Variants in FRYL observed in about 807,000 individuals in gnomAD.
The protein encoded by FRYL is FRY like transcription coactivator.
Under a neutral mutation model 351.2 loss-of-function variants are expected in FRYL, and 150 were observed. That is an observed-to-expected ratio of 0.43 (90% confidence interval 0.37 to 0.49). The LOEUF is 0.49. FRYL is among the 20% of genes least tolerant of loss of function. The pLI is 0.00. For missense variants in FRYL, 3,036 were observed against 3,619.3 expected, an observed-to-expected ratio of 0.84 and a Z score of 4.13; for synonymous variants, 1,153 against 1,257.1, an observed-to-expected ratio of 0.92 and a Z score of 1.75.
intron 7 of FRYL, among the ~76,000 whole-genome samples, chr4:48,614,100 A>G (rs534842250): frequency 2.1e-4 from 32 of 152,302 alleles, no homozygotes; most frequent in South Asian, 1.2e-3. Context: ...TTAAAAATAC[A>G]TAAGTTCTGG....
intron 53 of FRYL, among the ~76,000 whole-genome samples, chr4:48,525,991 G>T (rs1037059370): frequency 6.9e-6 from 1 of 145,402 alleles, no homozygotes; most frequent in African/African-American, 2.6e-5. Flanking sequence ...TTGTATATGT[G>T]TATGTATATG....
At chr4:48,575,569 T>C (rs1739423258) in intron 24 of FRYL, among the ~76,000 whole-genome samples, 1 of 152,216 alleles carries the variant, frequency 6.6e-6, no homozygotes, top group Non-Finnish European at 1.5e-5. Flanking sequence ...AAAATAGTCA[T>C]CAGTGCTAAA....
intron 1 of FRYL, among the ~76,000 whole-genome samples, chr4:48,716,970 T>C (rs1768913736): frequency 1.3e-5 from 2 of 150,902 alleles, no homozygotes; most frequent in South Asian, 4.2e-4. Flanking sequence ...ATGTCCTTTG[T>C]AGGGACATGG....
At position 48,543,891 on chromosome 4, in the gene FRYL, T is replaced by C; in HGVS notation, c.5508A>G (p.Leu1836=). ...AGRSFQIFRA[L]KQPLTATTLS... The stretch of plus-strand genomic sequence containing the variant: ...GTGTAGTTGCAGTGAGAGGCTGCTT[T>C]AGGGCCCTGAAAATCTGAAAGGATC... The change falls in exon 44 of 64, where the codon CTA becomes CTG. Residue 1836 remains leucine, a synonymous_variant. Coordinates refer to ENST00000358350, the MANE Select transcript of FRYL (RefSeq NM_015030.2). 2.5e-6 allele frequency: 4 copies of C among 1,613,942 alleles called. No homozygotes were observed. Among genetic ancestry groups the C allele is most frequent in the Non-Finnish European group, 3.4e-6 (4 of 1,179,854 alleles).
intron 40 of FRYL, among the ~76,000 whole-genome samples, 180 bp from the exon 41 acceptor site, chr4:48,547,949 T>C (rs541700682): frequency 1.3e-5 from 2 of 152,306 alleles, no homozygotes; most frequent in South Asian, 4.1e-4. Context: ...TACTGTCTTA[T>C]AGTACTAGGG....
chr4:48,581,694 G>A (rs1353699045), intron 20 of FRYL, 89 bp from the exon 21 acceptor site: 1 of 1,099,208 alleles, frequency 9.1e-7, no homozygotes, highest in Non-Finnish European at 1.3e-6. Context: ...GCAAATCATA[G>A]TGATTATGAC....
chr4:48,606,330 C>T, intron 10 of FRYL, 108 bp downstream of exon 10: 2 of 661,524 alleles, frequency 3.0e-6, no homozygotes, highest in Non-Finnish European at 2.4e-6. Context: ...GAATAAGAGA[C>T]TAAAAATGAT....
At chr4:48,711,826 G>A (rs1768087028) in intron 1 of FRYL, among the ~76,000 whole-genome samples, 1 of 152,190 alleles carries the variant, frequency 6.6e-6, no homozygotes, top group Non-Finnish European at 1.5e-5. Context: ...CCCAGTAGGG[G>A]CAGACTGACA....
In FRYL at chr4:48,580,969, T is replaced by TG; in HGVS notation, c.2173-19_2173-18insC. On this transcript the variant is annotated intron_variant, in intron 21 of 63. Coordinates refer to ENST00000358350, the MANE Select transcript of FRYL (RefSeq NM_015030.2). ...TCATCACCCTGTAAAAAAGACATCA[T>TG]ATGTCTAAAAAAATTAGGAATGTTT... 3 of 1,517,886 alleles carry TG rather than the reference T, an allele frequency of 2.0e-6. No homozygotes were observed. Among genetic ancestry groups the TG allele is most frequent in the Non-Finnish European group, 2.7e-6 (3 of 1,120,646 alleles). The allele number at this position is 1,517,886 out of a possible 1,614,324, so 94.0% of individuals were successfully genotyped here.
intron 3 of FRYL, among the ~76,000 whole-genome samples, chr4:48,665,423 ATATT>A: frequency 6.6e-6 from 1 of 152,220 alleles, no homozygotes; most frequent in Non-Finnish European, 1.5e-5. Flanking sequence ...AGAGATAGAA[ATATT>A]TAATTACTTG....
chr4:48,550,469 C>A, intron 38 of FRYL, 123 bp downstream of exon 38: 1 of 646,258 alleles, frequency 1.5e-6, no homozygotes, highest in Non-Finnish European at 2.7e-6. Context: ...TGGAACACCA[C>A]TAGTGGCAGT....
chr4:48,742,981 T>A (rs797019128), intron 1 of FRYL, among the ~76,000 whole-genome samples: 20,213 of 133,458 alleles, frequency 0.15, 1,942 homozygotes, highest in Middle Eastern at 0.24. Flanking sequence ...TAATTTTTTT[T>A]TTTTTTTTTT....
chr4:48,670,048 T>A (rs1762398419), intron 3 of FRYL, among the ~76,000 whole-genome samples: 1 of 152,170 alleles, frequency 6.6e-6, no homozygotes, highest in African/African-American at 2.4e-5. Flanking sequence ...AATCACAGGG[T>A]AAATGGAGTA....
chr4:48,740,289 A>ATTTTTTTTT (rs71191255), intron 1 of FRYL, among the ~76,000 whole-genome samples: 1 of 97,884 alleles, frequency 1.0e-5, no homozygotes, highest in African/African-American at 4.2e-5. Context: ...AAACAATCTG[A>ATTTTTTTTT]TTTTTTTTTT....
chr4:48,538,568 T>G (rs1729395222), intron 47 of FRYL, among the ~76,000 whole-genome samples: 1 of 152,066 alleles, frequency 6.6e-6, no homozygotes, highest in African/African-American at 2.4e-5. Flanking sequence ...CATGGAAAGG[T>G]GGGGGTTTTA....
intron 40 of FRYL, 115 bp downstream of exon 40, chr4:48,548,575 A>G (rs1731956429): frequency 1.5e-6 from 1 of 654,796 alleles, no homozygotes; most frequent in South Asian, 1.9e-5. Context: ...AGTGTCATGG[A>G]AATAACATAA....
intron 36 of FRYL, among the ~76,000 whole-genome samples, chr4:48,552,126 A>G (rs1264783836): frequency 1.3e-5 from 2 of 152,150 alleles, no homozygotes; most frequent in East Asian, 3.9e-4. Context: ...ATTAAATGAA[A>G]ATGCACATGC....
At chr4:48,503,039 G>A (rs1720063574) in intron 60 of FRYL, among the ~76,000 whole-genome samples, 194 bp from the exon 61 acceptor site, 1 of 151,998 alleles carries the variant, frequency 6.6e-6, no homozygotes, top group African/African-American at 2.4e-5. Context: ...ACGATTCAGG[G>A]TGTTTTTAAA....
At chr4:48,692,463 G>A (rs1056625494) in intron 2 of FRYL, among the ~76,000 whole-genome samples, 2 of 151,920 alleles carry the variant, frequency 1.3e-5, no homozygotes, top group Non-Finnish European at 2.9e-5. Flanking sequence ...CATGATCTCA[G>A]TTCACGGCAA....
Sources: gnomAD v4.1 joint callset for allele counts (sites outside exome capture counted in the v4.1 genomes callset) on GRCh38, gnomAD v4.1.1 for gene constraint, MANE v1.5 for transcripts, NCBI Gene and HGNC (gene_info 2026-07-23, HGNC 2026-07-21) for gene names.